NLRC5: variants seen among roughly 807,000 people sequenced by gnomAD.
NLRC5 encodes the protein NLR family CARD domain containing 5.
A neutral mutation model predicts 206.9 loss-of-function variants in NLRC5; 114 were observed. The ratio of observed to expected loss-of-function variants is 0.55; its 90% confidence interval spans 0.47 to 0.64. The LOEUF is 0.64. NLRC5 is among the 30% of genes least tolerant of loss of function. NLRC5 has a pLI of 0.00. For synonymous variants in NLRC5, 952 were observed against 962.8 expected, an observed-to-expected ratio of 0.99 and a Z score of 0.21; for missense variants, 2,008 against 2,305.5, an observed-to-expected ratio of 0.87 and a Z score of 2.64.
chr16:57,020,881 C>T lies in NLRC5; in HGVS notation c.169C>T (p.Gln57Ter), dbSNP rs1206344186. 1 of 1,613,764 alleles carries T rather than the reference C, an allele frequency of 6.2e-7. No individual in the cohort carries two copies. Among genetic ancestry groups the T allele is most frequent in the African/African-American group, 1.3e-5 (1 of 74,806 alleles). ...GGACCCTGAACAGAGAGTCATCCTG[C>T]AACTCAACAAGCTGCATGTCCAGGG... Reference protein sequence around the residue: ...TLDPEQRVILQLNKLHVQGSD... With the variant: ...TLDPEQRVIL Residue 57 changes from glutamine to a stop codon, truncating the protein, a stop_gained, in exon 3 of 49, where the codon CAA (glutamine) becomes TAA (stop). Coordinates refer to ENST00000688547, the MANE Select transcript of NLRC5 (RefSeq NM_001384950.1). LOFTEE classifies it high-confidence loss of function.
intron 1 of NLRC5, chr16:57,004,725 G>T (rs1380113385): frequency 6.6e-6 from 1 of 152,312 alleles, no homozygotes; most frequent in Non-Finnish European, 1.5e-5. Context: ...AGAGAACAAG[G>T]TTTGATCTCT....
chr16:57,048,357 T>A (rs902592742), intron 23 of NLRC5: 5 of 152,250 alleles, frequency 3.3e-5, no homozygotes, highest in African/African-American at 1.2e-4. Flanking sequence ...GCACTGTGTT[T>A]TCATAGCATC....
Position 57,027,029 on chromosome 16 carries a change from G to A in NLRC5, c.2075+11G>A, listed in dbSNP as rs1202528225. The stretch of plus-strand genomic sequence containing the variant: ...GATAGAGAATCTCAGGTGAGTAAGA[G>A]TGGAGGAGGACCGGGGAGGGGATTG... On this transcript the variant is annotated intron_variant, in intron 6 of 48. Coordinates refer to ENST00000688547, the MANE Select transcript of NLRC5 (RefSeq NM_001384950.1). 1.2e-6 allele frequency: 2 copies of A among 1,608,982 alleles called. No individual in the cohort carries two copies. Among genetic ancestry groups the A allele is most frequent in the South Asian group, 2.2e-5 (2 of 90,832 alleles).
At chr16:57,000,240 T>G (rs1478495162) in intron 1 of NLRC5, among the ~76,000 whole-genome samples, 1 of 152,104 alleles carries the variant, frequency 6.6e-6, no homozygotes, top group Non-Finnish European at 1.5e-5. Context: ...GGCCACCTGC[T>G]GTCCCAGCCA....
At chr16:57,013,550 G>A (rs1367977314) in intron 1 of NLRC5, 16 of 1,035,526 alleles carry the variant, frequency 1.5e-5, no homozygotes, top group East Asian at 9.5e-5. Flanking sequence ...TTCAGAAGTC[G>A]AGAGATGCTG....
At position 57,081,165 on chromosome 16, in the gene NLRC5, C is replaced by T; in HGVS notation, c.5389C>T (p.Arg1797Trp). ...GGCCCAGGTGCTGCCGCAGATGGGC[C>T]GGCTGAAGAGAGTGGAGTATGAGGG... ...ELAQVLPQMGRLKRVDLEKNQ... is the reference protein window; with the variant it reads ...ELAQVLPQMGWLKRVDLEKNQ... Residue 1797 changes from arginine to tryptophan, a missense_variant, in exon 47 of 49, where the codon CGG becomes TGG. Arg to Trp is a moderately radical substitution (Grantham distance 101). Transcript: ENST00000688547. The T allele has an allele frequency of 3.2e-6, 5 of 1,542,490 alleles. No individual in the cohort carries two copies. Among genetic ancestry groups the T allele is most frequent in the South Asian group, 2.4e-5 (2 of 84,142 alleles).
chr16:57,028,881 ACT>A (rs1464642839), intron 8 of NLRC5, among the ~76,000 whole-genome samples: 1 of 152,104 alleles, frequency 6.6e-6, no homozygotes, highest in East Asian at 1.9e-4. Context: ...ATGCCAGCAC[ACT>A]CTAACTAACT....
Position 57,046,577 on chromosome 16 carries a change from C to T in NLRC5, c.3274C>T (p.Pro1092Ser). ...GGATATGTGGGCCACTGGATCTTTG[C>T]CAGACTTCCCAGCTGCAGCCAAGTT... ...SRDMWATGSLPDFPAAAKFLG... is the reference protein window; with the variant it reads ...SRDMWATGSLSDFPAAAKFLG... Residue 1092 changes from proline to serine, a missense_variant, in exon 22 of 49, where the codon CCA becomes TCA. Physicochemically the swap from Pro to Ser is moderately conservative, Grantham distance 74 (BLOSUM62 -1). Transcript: ENST00000688547. The T allele has an allele frequency of 1.2e-6, 2 of 1,613,920 alleles. No individual in the cohort carries two copies. The highest frequency in any genetic ancestry group is 1.7e-6 in the Non-Finnish European group (2 of 1,179,884).
intron 30 of NLRC5, 62 bp from the exon 31 acceptor site, chr16:57,061,386 T>A (rs899644533): frequency 3.3e-6 from 5 of 1,521,010 alleles, no homozygotes; most frequent in Non-Finnish European, 4.5e-6. Context: ...GAGGCTGAGA[T>A]GAAGCTGAGC....
chr16:57,063,223 C>G (rs2066731454), intron 32 of NLRC5, among the ~76,000 whole-genome samples: 1 of 150,930 alleles, frequency 6.6e-6, no homozygotes, highest in Admixed American at 6.6e-5. Context: ...AGCGATTCTC[C>G]TGCCTCAGCC....
chr16:57,061,362 A>C, intron 30 of NLRC5, 86 bp from the exon 31 acceptor site: 1 of 1,349,066 alleles, frequency 7.4e-7, no homozygotes, highest in East Asian at 2.4e-5. Flanking sequence ...ATGCTCCCCC[A>C]ATAGGCCCTC....
intron 21 of NLRC5, among the ~76,000 whole-genome samples, chr16:57,046,044 G>A (rs143269011): frequency 1.3e-5 from 2 of 152,242 alleles, no homozygotes; most frequent in Non-Finnish European, 2.9e-5. Context: ...TGTGCAGCTG[G>A]CTGGGTGGAG....
rs1427468993 is a variant in NLRC5 at position 57,020,825 on chromosome 16, A to G, written c.113A>G (p.Asn38Ser). 6.8e-6 allele frequency: 11 copies of G among 1,613,306 alleles called. No individual in the cohort carries two copies. Among genetic ancestry groups the G allele is most frequent in the Middle Eastern group, 1.6e-4 (1 of 6,082 alleles). Residue 38 changes from asparagine to serine, a missense_variant, in exon 3 of 49, where the codon AAC (asparagine) becomes AGC (serine). Transcript: ENST00000688547. ...GCCAAGATGAAGTTCTTCCTCCCCA[A>G]CACGGACCTGGATTCCAGGAACGAG... is the stretch of plus-strand genomic sequence containing the variant. ...LNAKMKFFLP[N>S]TDLDSRNETL...
intron 1 of NLRC5, among the ~76,000 whole-genome samples, chr16:56,991,315 C>T (rs917037265): frequency 6.6e-6 from 1 of 151,802 alleles, no homozygotes; most frequent in Non-Finnish European, 1.5e-5. Context: ...CCCCAACACA[C>T]ATACCCTCTT....
At chr16:57,075,868 T>C (rs1318109772) in intron 39 of NLRC5, 1 of 152,564 alleles carries the variant, frequency 6.6e-6, no homozygotes, top group Non-Finnish European at 1.5e-5. Flanking sequence ...TCACCCAAAA[T>C]TAATTTACTG....
Position 57,082,727 on chromosome 16 carries a change from G to C in NLRC5, c.*199G>C. ...AACCAGGAGCTGGGTCTGGACAAAG[G>C]AGTACCCTGCATTACGTGGGATATG... On this transcript the variant is annotated 3_prime_UTR_variant, in exon 49 of 49. Coordinates refer to ENST00000688547, the MANE Select transcript of NLRC5 (RefSeq NM_001384950.1). 1 of 543,854 alleles carries C rather than the reference G, an allele frequency of 1.8e-6. No homozygotes were observed. Among genetic ancestry groups the C allele is most frequent in the Admixed American group, 3.3e-5 (1 of 30,062 alleles). 33.7% of individuals were successfully genotyped at this position (543,854 alleles called of 1,614,324 possible).
At chr16:57,036,473 T>A (rs1233525608) in intron 14 of NLRC5, among the ~76,000 whole-genome samples, 1 of 151,404 alleles carries the variant, frequency 6.6e-6, no homozygotes, top group Non-Finnish European at 1.5e-5. Flanking sequence ...TGGGGTGGGG[T>A]GTTGCACTGG....
chr16:57,039,675 C>A, intron 15 of NLRC5, 106 bp from the exon 16 acceptor site: 1 of 980,824 alleles, frequency 1.0e-6, no homozygotes, highest in Non-Finnish European at 1.6e-6. Context: ...CATGATTGCA[C>A]CACTGCACAC....
chr16:57,004,872 G>A (rs375887469), intron 1 of NLRC5, among the ~76,000 whole-genome samples: 2 of 152,080 alleles, frequency 1.3e-5, no homozygotes, highest in East Asian at 1.9e-4. Flanking sequence ...AACTCCCCTC[G>A]CACCTCCTCA....
Sources: allele counts gnomAD v4.1 joint callset (sites outside exome capture counted in the v4.1 genomes callset), GRCh38; gene constraint gnomAD v4.1.1; transcripts MANE v1.5; gene names NCBI Gene and HGNC (gene_info 2026-07-23, HGNC 2026-07-21).